GNAQ: variants seen among roughly 807,000 people sequenced by gnomAD.
The protein encoded by GNAQ is guanine nucleotide-binding protein G(q) subunit alpha.
In GNAQ, 8 loss-of-function variants were observed where a neutral mutation model predicts 43.9. That is an observed-to-expected ratio of 0.18 (90% CI 0.11 to 0.33). GNAQ has a LOEUF of 0.33. Among genes scored for constraint, GNAQ ranks in the 10% least tolerant of loss-of-function variants. The pLI, the probability that GNAQ is intolerant of heterozygous loss-of-function variation, is 1.00. For synonymous variants in GNAQ, 155 were observed against 170.7 expected (o/e 0.91, Z 0.71); for missense variants, 158 against 450.8 (o/e 0.35, Z 5.88).
chr9:77,823,388 A>T (rs1827145521), intron 2 of GNAQ, among the ~76,000 whole-genome samples: 1 of 152,210 alleles, frequency 6.6e-6, no homozygotes. Flanking sequence ...TACCTGGACC[A>T]CTGCTGAGAA....
intron 2 of GNAQ, among the ~76,000 whole-genome samples, chr9:77,844,189 C>G (rs1827542233): frequency 6.6e-6 from 1 of 152,020 alleles, no homozygotes; most frequent in Admixed American, 6.6e-5. Flanking sequence ...CTAATTGGTC[C>G]CTTTAAGCCT....
chr9:77,854,803 G>T (rs1827725901), intron 2 of GNAQ, among the ~76,000 whole-genome samples: 1 of 152,198 alleles, frequency 6.6e-6, no homozygotes. Flanking sequence ...TGCTATGCAG[G>T]ACAATGGTAT....
intron 1 of GNAQ, among the ~76,000 whole-genome samples, chr9:77,991,420 A>G (rs536448800): frequency 1.9e-4 from 29 of 152,310 alleles, no homozygotes; most frequent in African/African-American, 7.0e-4. Context: ...TAAATACCAC[A>G]GTCCTTAATT....
chr9:77,969,823 G>A (rs892598262), intron 1 of GNAQ, among the ~76,000 whole-genome samples: 3 of 152,200 alleles, frequency 2.0e-5, no homozygotes, highest in African/African-American at 7.2e-5. Context: ...AAGGAGCAAA[G>A]TGTTGTCTTA....
At chr9:77,828,059 CA>C (rs71360654) in intron 2 of GNAQ, among the ~76,000 whole-genome samples, 1,118 of 18,894 alleles carry the variant, frequency 0.059, no homozygotes, top group East Asian at 0.1. Flanking sequence ...GACTCCTCCT[CA>C]AAAAAAAAAA....
intron 1 of GNAQ, among the ~76,000 whole-genome samples, chr9:77,969,941 G>A (rs1026233022): frequency 1.3e-5 from 2 of 152,160 alleles, no homozygotes; most frequent in Non-Finnish European, 2.9e-5. Context: ...ACCTTGTTAC[G>A]AAAGTGATGG....
chr9:77,729,220 G>A (rs1003636381), intron 5 of GNAQ, among the ~76,000 whole-genome samples: 1 of 152,140 alleles, frequency 6.6e-6, no homozygotes, highest in African/African-American at 2.4e-5. Context: ...CATGGAAAAT[G>A]TTGTAAGATC....
At chr9:77,986,803 CTTTTTTTT>C (rs56978328) in intron 1 of GNAQ, among the ~76,000 whole-genome samples, 6 of 123,562 alleles carry the variant, frequency 4.9e-5, no homozygotes, top group African/African-American at 1.9e-4. Flanking sequence ...GCACCTGGCC[CTTTTTTTT>C]TTTTTTTTTT....
chr9:77,748,613 G>T (rs1825766316), intron 5 of GNAQ, among the ~76,000 whole-genome samples: 1 of 152,136 alleles, frequency 6.6e-6, no homozygotes, highest in African/African-American at 2.4e-5. Context: ...GTAATTCTAG[G>T]GTTGGGGCAT....
At chr9:77,972,470 AT>A (rs1361212605) in intron 1 of GNAQ, among the ~76,000 whole-genome samples, 1 of 152,142 alleles carries the variant, frequency 6.6e-6, no homozygotes, top group East Asian at 1.9e-4. Context: ...TTTTCAGGCA[AT>A]TCAGTAAATG....
chr9:78,002,611 A>G (rs1017062511), intron 1 of GNAQ, among the ~76,000 whole-genome samples: 1 of 152,194 alleles, frequency 6.6e-6, no homozygotes, highest in Admixed American at 6.5e-5. Flanking sequence ...ATTCTCTGTG[A>G]TATTCCCTAA....
chr9:77,759,620 A>G (rs1363364708), intron 5 of GNAQ, among the ~76,000 whole-genome samples: 1 of 152,168 alleles, frequency 6.6e-6, no homozygotes, highest in Non-Finnish European at 1.5e-5. Flanking sequence ...GGACTGACTT[A>G]TGCTCTCCTC....
At chr9:77,877,221 T>C (rs1828139379) in intron 2 of GNAQ, among the ~76,000 whole-genome samples, 1 of 152,212 alleles carries the variant, frequency 6.6e-6, no homozygotes, top group South Asian at 2.1e-4. Flanking sequence ...CCGAAGAATA[T>C]TCAAATATTC....
At chr9:77,945,580 C>G (rs1321644820) in intron 1 of GNAQ, among the ~76,000 whole-genome samples, 2 of 152,068 alleles carry the variant, frequency 1.3e-5, no homozygotes, top group Non-Finnish European at 2.9e-5. Context: ...TAGAGGTAAG[C>G]TACATACTCA....
chr9:77,735,483 C>A (rs189291035), intron 5 of GNAQ, among the ~76,000 whole-genome samples: 25 of 152,210 alleles, frequency 1.6e-4, no homozygotes, highest in Admixed American at 1.2e-3. Flanking sequence ...ACCCAGAAGA[C>A]AAATAACTCC....
chr9:77,989,062 C>T (rs986543848), intron 1 of GNAQ, among the ~76,000 whole-genome samples: 1 of 152,098 alleles, frequency 6.6e-6, no homozygotes, highest in Non-Finnish European at 1.5e-5. Context: ...AAAATAAATT[C>T]TCTGCTGGCA....
At chr9:77,734,200 T>C (rs1016508828) in intron 5 of GNAQ, among the ~76,000 whole-genome samples, 1 of 152,246 alleles carries the variant, frequency 6.6e-6, no homozygotes, top group Admixed American at 6.5e-5. Context: ...GTATCCATTT[T>C]AATAACTTTT....
chr9:77,873,751 C>T (rs540013431), intron 2 of GNAQ, among the ~76,000 whole-genome samples: 1 of 152,330 alleles, frequency 6.6e-6, no homozygotes, highest in African/African-American at 2.4e-5. Flanking sequence ...AAATTAAGCA[C>T]ACAAATGAAA....
At chr9:77,888,243 T>C (rs746931531) in intron 2 of GNAQ, among the ~76,000 whole-genome samples, 3 of 152,208 alleles carry the variant, frequency 2.0e-5, no homozygotes, top group Non-Finnish European at 4.4e-5. Flanking sequence ...ATTATTGGAA[T>C]CCACGATAAC....
Sources: gnomAD v4.1 joint callset for allele counts (sites outside exome capture counted in the v4.1 genomes callset) on GRCh38, gnomAD v4.1.1 for gene constraint, MANE v1.5 for transcripts, NCBI Gene and HGNC (gene_info 2026-07-23, HGNC 2026-07-21) for gene names.